The following FAM13A variants were observed in gnomAD, a reference collection of about 807,000 sequenced individuals.
FAM13A encodes family with sequence similarity 13 member A.
FAM13A carries 76 observed loss-of-function variants against 129.6 expected under a neutral mutation model. That is an observed-to-expected ratio of 0.59 (90% CI 0.49 to 0.71). The LOEUF (loss-of-function observed/expected upper bound fraction) is 0.71, where lower values mean the gene tolerates loss of function less well. Ranked by LOEUF, FAM13A falls within the 30% of genes least tolerant of loss-of-function variation. The pLI is 0.00. For synonymous variants in FAM13A, 443 were observed against 449.9 expected, an observed-to-expected ratio of 0.98 and a Z score of 0.20; for missense variants, 1,108 against 1,249.3, an observed-to-expected ratio of 0.89 and a Z score of 1.70.
intron 1 of FAM13A, among the ~76,000 whole-genome samples, chr4:89,041,833 T>A (rs1770180928): frequency 6.6e-6 from 1 of 151,800 alleles, no homozygotes; most frequent in Non-Finnish European, 1.5e-5. Flanking sequence ...GGCACAAGAA[T>A]TGCTTGAACC....
At chr4:88,837,990 C>G (rs1234415298) in intron 7 of FAM13A, among the ~76,000 whole-genome samples, 1 of 152,096 alleles carries the variant, frequency 6.6e-6, no homozygotes. Context: ...TGAACATGCA[C>G]AGACTTTCTT....
chr4:88,902,384 C>A (rs1747433000), intron 6 of FAM13A, among the ~76,000 whole-genome samples: 1 of 152,024 alleles, frequency 6.6e-6, no homozygotes, highest in Non-Finnish European at 1.5e-5. Context: ...CCAAATCCAG[C>A]AACACATCAA....
intron 19 of FAM13A, among the ~76,000 whole-genome samples, chr4:88,741,788 A>G (rs1014136566): frequency 1.3e-5 from 2 of 152,162 alleles, no homozygotes; most frequent in East Asian, 1.9e-4. Flanking sequence ...AATATTCCAA[A>G]ATCTGAAAAA....
At chr4:88,781,456 G>A (rs546979673) in intron 10 of FAM13A, 105 bp from the exon 11 acceptor site, 1 of 782,378 alleles carries the variant, frequency 1.3e-6, no homozygotes, top group Non-Finnish European at 1.9e-6. Context: ...AGAGTGCCCA[G>A]AAATTCCAGT....
chr4:89,027,156 T>A (rs898257241), intron 2 of FAM13A, among the ~76,000 whole-genome samples: 3 of 152,172 alleles, frequency 2.0e-5, no homozygotes, highest in Admixed American at 2.0e-4. Context: ...TACATATCTA[T>A]GACAAAGTTT....
intron 5 of FAM13A, among the ~76,000 whole-genome samples, chr4:88,925,529 G>C (rs1751959087): frequency 7.0e-6 from 1 of 143,160 alleles, no homozygotes; most frequent in African/African-American, 2.6e-5. Context: ...CACAGGAAGG[G>C]GAACATCACA....
At chr4:88,955,597 G>A (rs1579480389) in intron 4 of FAM13A, among the ~76,000 whole-genome samples, 1 of 152,160 alleles carries the variant, frequency 6.6e-6, no homozygotes, top group Non-Finnish European at 1.5e-5. Context: ...ACAGGAAGAT[G>A]TAGGAAAATT....
chr4:88,845,865 T>C (rs1376406298), intron 7 of FAM13A, among the ~76,000 whole-genome samples: 4 of 152,198 alleles, frequency 2.6e-5, no homozygotes. Flanking sequence ...ACAACTCTCA[T>C]CTGAAACACA....
In FAM13A at chr4:88,781,219, A is replaced by G; in HGVS notation, c.1404T>C (p.Arg468=). The G allele has an allele frequency of 6.2e-7, 1 of 1,611,822 alleles. No homozygotes were observed. The highest frequency in any genetic ancestry group is 8.5e-7 in the Non-Finnish European group (1 of 1,178,922). ...GCAGERSKPK[R]QKSSTKLSEL... ...CAGAAAGTTTAGTACTGGATTTCTG[A>G]CGTTTAGGCTTGCTCCTTTCTCCAG... Residue 468 remains arginine, a synonymous_variant, in exon 11 of 24, where the codon CGT becomes CGC. Coordinates refer to ENST00000264344, the MANE Select transcript of FAM13A (RefSeq NM_014883.4).
chr4:88,888,509 A>G (rs1204250642), intron 6 of FAM13A, among the ~76,000 whole-genome samples: 2 of 152,176 alleles, frequency 1.3e-5, no homozygotes, highest in African/African-American at 4.8e-5. Context: ...TTTTGAGTGA[A>G]CTTACTGTCA....
intron 6 of FAM13A, among the ~76,000 whole-genome samples, chr4:88,876,696 A>C (rs927269976): frequency 6.6e-6 from 1 of 151,810 alleles, no homozygotes; most frequent in African/African-American, 2.4e-5. Context: ...AGTTCATGCC[A>C]TTCTCCTGCC....
Position 88,807,338 on chromosome 4 carries a change from A to C in FAM13A, c.1008-2286T>G, listed in dbSNP as rs1728767628. On this transcript the variant is annotated intron_variant, in intron 7 of 23. Coordinates refer to ENST00000264344, the MANE Select transcript of FAM13A (RefSeq NM_014883.4). Reference sequence around the variant, plus strand: ...TCCTTTCATCTCCCTCACAAATTTCATATCAATTATGACTGCGGGCCAGAT... The same window carrying C: ...TCCTTTCATCTCCCTCACAAATTTCCTATCAATTATGACTGCGGGCCAGAT... Among the ~76,000 whole-genome samples the C allele has an allele frequency of 2.0e-5, 3 of 152,254 alleles. No individual in the cohort carries two copies. The South Asian group carries it at 6.2e-4, about 32-fold the overall frequency.
chr4:88,987,804 T>C (rs1030313904), intron 4 of FAM13A, among the ~76,000 whole-genome samples: 9 of 122,074 alleles, frequency 7.4e-5, no homozygotes, highest in Non-Finnish European at 4.8e-5. Context: ...ATCGCGCCAC[T>C]GCACTCCAGC....
rs151072510 is a variant in FAM13A, at chr4:88,730,816, T to C, written c.2945+511A>G. On this transcript the variant is annotated intron_variant, in intron 23 of 23. Transcript: ENST00000264344. ...TCCCTTGTTTCTCTAGCTCCTTTTA[T>C]TTAGAAATGAAGTCTCACTCTATTG... Among the ~76,000 whole-genome samples the C allele has an allele frequency of 4.0e-3, 609 of 152,324 alleles. 9 individuals are homozygous for C. Among genetic ancestry groups the C allele is most frequent in the African/African-American group, 0.014 (582 of 41,572 alleles).
chr4:88,918,549 G>A lies in FAM13A; in HGVS notation c.760-12087C>T, dbSNP rs569010704. ...TCCTGAAGAGTCCTTCCTATTTAAT[G>A]AGATCAGGAAACAATGCAAGTTAGG... On this transcript the variant is annotated intron_variant, in intron 5 of 23. Coordinates refer to ENST00000264344, the MANE Select transcript of FAM13A (RefSeq NM_014883.4). Among the ~76,000 whole-genome samples, 3 of 152,326 alleles carry A rather than the reference G, an allele frequency of 2.0e-5. No homozygotes were observed. The East Asian group carries it at 5.8e-4, about 29-fold the overall frequency.
At chr4:88,915,668 C>T (rs2609260) in intron 5 of FAM13A, among the ~76,000 whole-genome samples, 121,215 of 152,070 alleles carry the variant, frequency 0.8, 48,541 homozygotes, top group Non-Finnish European at 0.82. Context: ...AATCAAACTT[C>T]ATTGTCAAGT....
At chr4:88,997,665 A>G (rs1415359916) in intron 3 of FAM13A, among the ~76,000 whole-genome samples, 2 of 152,186 alleles carry the variant, frequency 1.3e-5, no homozygotes, top group Non-Finnish European at 2.9e-5. Flanking sequence ...TGTTTGTCAC[A>G]TGCCTGGACT....
intron 1 of FAM13A, among the ~76,000 whole-genome samples, chr4:89,039,342 T>C (rs1357576584): frequency 2.0e-5 from 3 of 152,184 alleles, no homozygotes; most frequent in Admixed American, 2.0e-4. Context: ...AAGAAAAACA[T>C]GGATACATGT....
chr4:88,957,172 GA>G (rs919923696), intron 4 of FAM13A, among the ~76,000 whole-genome samples: 3 of 152,144 alleles, frequency 2.0e-5, no homozygotes, highest in African/African-American at 7.2e-5. Context: ...CTGAAAATAT[GA>G]AAATTAGCTG....
Sources: gnomAD v4.1 joint callset for allele counts (sites outside exome capture counted in the v4.1 genomes callset) on GRCh38, gnomAD v4.1.1 for gene constraint, MANE v1.5 for transcripts, NCBI Gene and HGNC (gene_info 2026-07-23, HGNC 2026-07-21) for gene names.